Variants in NTM observed in about 807,000 individuals in gnomAD.
NTM encodes the protein IgLON family member 2.
NTM carries 13 observed loss-of-function variants against 42.1 expected under a neutral mutation model. That is an observed-to-expected ratio of 0.31 (90% CI 0.20 to 0.49). NTM has a LOEUF of 0.49. Ranked by LOEUF, NTM falls within the 20% of genes least tolerant of loss-of-function variation. The probability of loss-of-function intolerance (pLI) is 0.99; values close to 1 mark genes in which losing one functional copy is unlikely to be tolerated. For synonymous variants in NTM, 187 were observed against 179.2 expected, an observed-to-expected ratio of 1.04 and a Z score of -0.35; for missense variants, 373 against 452.8, an observed-to-expected ratio of 0.82 and a Z score of 1.60.
chr11:131,584,875 C>T (rs1353213562), intron 1 of NTM, among the ~76,000 whole-genome samples: 1 of 152,192 alleles, frequency 6.6e-6, no homozygotes, highest in African/African-American at 2.4e-5. Context: ...GGGCCTCCCC[C>T]TCTCAGTGCT....
intron 1 of NTM, among the ~76,000 whole-genome samples, chr11:131,375,189 C>T (rs763835134): frequency 9.2e-5 from 14 of 152,184 alleles, no homozygotes; most frequent in Middle Eastern, 3.4e-3. Context: ...TCTCCCTCTG[C>T]GGGCCTATCT....
intron 4 of NTM, among the ~76,000 whole-genome samples, chr11:132,222,731 T>C (rs1177300500): frequency 6.6e-6 from 1 of 152,092 alleles, no homozygotes; most frequent in African/African-American, 2.4e-5. Context: ...CCAACAGTGG[T>C]GGGTTCTTCT....
intron 1 of NTM, among the ~76,000 whole-genome samples, chr11:131,728,162 T>A (rs2079180394): frequency 6.6e-6 from 1 of 152,132 alleles, no homozygotes; most frequent in South Asian, 2.1e-4. Context: ...CTGGGTGGCA[T>A]CCAATCCAAT....
At chr11:131,778,412 A>T (rs1036775162) in intron 1 of NTM, among the ~76,000 whole-genome samples, 1 of 152,244 alleles carries the variant, frequency 6.6e-6, no homozygotes, top group Non-Finnish European at 1.5e-5. Context: ...AAAGTGATTT[A>T]TCAGATTTAA....
At chr11:131,624,313 A>G (rs1033963116) in intron 1 of NTM, among the ~76,000 whole-genome samples, 1 of 152,120 alleles carries the variant, frequency 6.6e-6, no homozygotes, top group African/African-American at 2.4e-5. Flanking sequence ...ACTGATCAGC[A>G]CTGTGATCTC....
intron 1 of NTM, among the ~76,000 whole-genome samples, chr11:131,666,964 G>A (rs943300101): frequency 8.5e-5 from 13 of 152,222 alleles, no homozygotes; most frequent in Middle Eastern, 3.2e-3. Flanking sequence ...CTGGGGCCGT[G>A]CAGTGTTCTC....
chr11:131,477,175 A>G (rs1331674349), intron 1 of NTM, among the ~76,000 whole-genome samples: 1 of 152,180 alleles, frequency 6.6e-6, no homozygotes, highest in Non-Finnish European at 1.5e-5. Flanking sequence ...TAAGAATCAC[A>G]TCTATTTGTA....
At chr11:131,500,567 ATATATATATATTTTT>A (rs1477285148) in intron 1 of NTM, among the ~76,000 whole-genome samples, 2 of 27,102 alleles carry the variant, frequency 7.4e-5, no homozygotes, top group Non-Finnish European at 1.2e-4. Context: ...ATATATATAT[ATATATATATATTTTT>A]TTTTTTTTTT....
chr11:131,764,580 A>AG (rs2084806953), intron 1 of NTM, among the ~76,000 whole-genome samples: 1 of 152,184 alleles, frequency 6.6e-6, no homozygotes, highest in Non-Finnish European at 1.5e-5. Flanking sequence ...CAAATTACCT[A>AG]ACCTCTGTGG....
chr11:131,492,408 A>G (rs1428680407), intron 1 of NTM, among the ~76,000 whole-genome samples: 1 of 13,186 alleles, frequency 7.6e-5, no homozygotes, highest in Non-Finnish European at 1.5e-4. Context: ...GTTATCTTCA[A>G]AGACATCTTT....
chr11:132,168,189 T>G (rs1444852545), intron 3 of NTM, among the ~76,000 whole-genome samples: 1 of 152,172 alleles, frequency 6.6e-6, no homozygotes, highest in Non-Finnish European at 1.5e-5. Context: ...GCACTGCACT[T>G]CATCTGATGA....
intron 7 of NTM, among the ~76,000 whole-genome samples, chr11:132,319,922 C>G (rs749609140): frequency 2.0e-5 from 3 of 152,198 alleles, no homozygotes; most frequent in African/African-American, 7.2e-5. Context: ...GACAAACTTC[C>G]AGAGGAACAA....
At chr11:131,827,406 G>A (rs529315371) in intron 1 of NTM, among the ~76,000 whole-genome samples, 14 of 152,312 alleles carry the variant, frequency 9.2e-5, no homozygotes, top group African/African-American at 2.6e-4. Context: ...TTCACACACA[G>A]TGGGTGACAA....
chr11:132,132,819 G>A (rs553430880), intron 2 of NTM, among the ~76,000 whole-genome samples: 156 of 152,292 alleles, frequency 1.0e-3, no homozygotes, highest in African/African-American at 3.5e-3. Context: ...AAGCTACTAG[G>A]CATGGTTGCT....
rs539211797 is a variant in NTM at position 132,181,782 on chromosome 11, G to A, written c.401-30240G>A. Among the ~76,000 whole-genome samples, 14 of 152,152 alleles carry A rather than the reference G, an allele frequency of 9.2e-5. No individual in the cohort carries two copies. The East Asian group carries it at 2.5e-3, about 27-fold the overall frequency. ...CTCTGAATGCTGGACATCCCAACAG[G>A]AGTGAATTCTAACTGTCTCTGTATC... is the stretch of plus-strand genomic sequence containing the variant. On this transcript the variant is annotated intron_variant, in intron 3 of 8. Transcript: ENST00000683400.
At chr11:132,071,466 T>C (rs1176310375) in intron 2 of NTM, among the ~76,000 whole-genome samples, 1 of 152,240 alleles carries the variant, frequency 6.6e-6, no homozygotes, top group Non-Finnish European at 1.5e-5. Flanking sequence ...GATGCCTGTG[T>C]ATCTGTTAAA....
chr11:132,085,163 A>G (rs2059547742), intron 2 of NTM, among the ~76,000 whole-genome samples: 1 of 152,222 alleles, frequency 6.6e-6, no homozygotes, highest in South Asian at 2.1e-4. Flanking sequence ...TCCCAAGGCA[A>G]AAATGTACAT....
chr11:131,908,080 C>A (rs904281480), intron 1 of NTM, among the ~76,000 whole-genome samples: 1 of 152,208 alleles, frequency 6.6e-6, no homozygotes, highest in Non-Finnish European at 1.5e-5. Flanking sequence ...TTTCTTTGCC[C>A]TCCCTGTGAG....
intron 1 of NTM, among the ~76,000 whole-genome samples, chr11:131,848,771 T>C (rs1022613912): frequency 1.3e-5 from 2 of 152,172 alleles, no homozygotes; most frequent in Non-Finnish European, 2.9e-5. Context: ...CTAGGAAATA[T>C]CAGAGCCAGA....
Sources: gnomAD v4.1 joint callset for allele counts (sites outside exome capture counted in the v4.1 genomes callset) on GRCh38, gnomAD v4.1.1 for gene constraint, MANE v1.5 for transcripts, NCBI Gene and HGNC (gene_info 2026-07-23, HGNC 2026-07-21) for gene names.